PCDHGC5: variants seen among roughly 807,000 people sequenced by gnomAD.
PCDHGC5 encodes the protein protocadherin gamma-C5.
In PCDHGC5, 25 loss-of-function variants were observed where a neutral mutation model predicts 59.0. The observed-to-expected ratio is 0.42, with a 90% CI of 0.31 to 0.59. The LOEUF (loss-of-function observed/expected upper bound fraction) is 0.59, where lower values mean the gene tolerates loss of function less well. Among genes scored for constraint, PCDHGC5 ranks in the 20% least tolerant of loss-of-function variants. The pLI is 0.13. For missense variants in PCDHGC5, 1,067 were observed against 1,206.4 expected (o/e 0.88, Z 1.71); for synonymous variants, 434 against 505.5 (o/e 0.86, Z 1.90).
In PCDHGC5 at chr5:141,489,873, G is replaced by A. The variant is rs1252665956; in HGVS notation, c.633G>A (p.Val211=). The A allele has an allele frequency of 4.3e-6, 7 of 1,614,224 alleles. No homozygotes were observed. The highest frequency in any genetic ancestry group is 5.9e-6 in the Non-Finnish European group (7 of 1,180,030). Residue 211 remains valine (V), a synonymous_variant, in exon 1 of 4, where the codon GTG becomes GTA. Coordinates refer to ENST00000252087, the MANE Select transcript of PCDHGC5 (RefSeq NM_018929.3). The surrounding 1 kb of genome is among the most constrained non-coding windows in gnomAD (Gnocchi z 4.5). Reference sequence around the variant, plus strand: ...AAGCCCAGGCAAGACATCAGCTGGTGCTTACTGCTGTGGATGGGGGGACCC... The same window carrying A: ...AAGCCCAGGCAAGACATCAGCTGGTACTTACTGCTGTGGATGGGGGGACCC... ...DREAQARHQL[V]LTAVDGGTPA...
chr5:141,494,927 G>A, intron 2 of PCDHGC5, 62 bp downstream of exon 2: 1 of 1,613,516 alleles, frequency 6.2e-7, no homozygotes, highest in Non-Finnish European at 8.5e-7. Flanking sequence ...GATGACGTGG[G>A]AGGAGATGGG....
At chr5:141,507,809 C>G (rs866898784) in intron 3 of PCDHGC5, among the ~76,000 whole-genome samples, 1 of 152,206 alleles carries the variant, frequency 6.6e-6, no homozygotes, top group Non-Finnish European at 1.5e-5. Context: ...CCCTGGGGAA[C>G]GGACCCTGGG....
intron 2 of PCDHGC5, among the ~76,000 whole-genome samples, chr5:141,504,351 G>C (rs77439649): frequency 0.021 from 3,233 of 152,120 alleles, 109 homozygotes; most frequent in African/African-American, 0.075. Context: ...CTTTGTGCTA[G>C]GTGCTTCAGT....
At chr5:141,496,268 G>T (rs1237681971) in intron 2 of PCDHGC5, among the ~76,000 whole-genome samples, 1 of 152,208 alleles carries the variant, frequency 6.6e-6, no homozygotes, top group Non-Finnish European at 1.5e-5. Flanking sequence ...TCAGCAGAAA[G>T]ACCTTCAGTT....
chr5:141,489,222 A>C lies in PCDHGC5; in HGVS notation c.-19A>C. On this transcript the variant is annotated 5_prime_UTR_variant, in exon 1 of 4. Coordinates refer to ENST00000252087, the MANE Select transcript of PCDHGC5 (RefSeq NM_018929.3). The surrounding 1 kb of genome is among the most constrained non-coding windows in gnomAD (Gnocchi z 4.5). ...ACAGGACAGCACAGACTTACTCTCC[A>C]CAAAGGGACTTCTGGGTCATGGGGC... 6.6e-7 allele frequency: 1 copy of C among 1,515,652 alleles called. No individual in the cohort carries two copies. Among genetic ancestry groups the C allele is most frequent in the Middle Eastern group, 1.8e-4 (1 of 5,598 alleles). 93.9% of individuals were successfully genotyped at this position (1,515,652 alleles called of 1,614,324 possible).
chr5:141,494,546 G>A (rs984336435), intron 1 of PCDHGC5, among the ~76,000 whole-genome samples: 7 of 152,152 alleles, frequency 4.6e-5, no homozygotes, highest in African/African-American at 1.2e-4. Context: ...GGAGGAAGGG[G>A]CCATTTCTTT....
intron 3 of PCDHGC5, among the ~76,000 whole-genome samples, chr5:141,506,417 A>C (rs1326078146): frequency 6.8e-6 from 1 of 147,658 alleles, no homozygotes; most frequent in Non-Finnish European, 1.5e-5. Context: ...ACTGCACTCC[A>C]GCCTGGGCAA....
At position 141,489,207 on chromosome 5, in the gene PCDHGC5, A is replaced by T; in HGVS notation, c.-34A>T. The T allele has an allele frequency of 6.9e-7, 1 of 1,452,692 alleles. No homozygotes were observed. The highest frequency in any genetic ancestry group is 9.3e-7 in the Non-Finnish European group (1 of 1,073,586). 90.0% of individuals were successfully genotyped at this position (1,452,692 alleles called of 1,614,324 possible). ...GGGTCTACCTTGGAGACAGGACAGC[A>T]CAGACTTACTCTCCACAAAGGGACT... On this transcript the variant is annotated 5_prime_UTR_variant, in exon 1 of 4. Transcript: ENST00000252087. The surrounding 1 kb of genome is among the most constrained non-coding windows in gnomAD (Gnocchi z 4.5).
rs1330659052 is a variant in PCDHGC5, at chr5:141,490,012, G to T, written c.772G>T (p.Gly258Cys). The change falls in exon 1 of 4, where the codon GGT becomes TGT. Residue 258 changes from glycine (G) to cysteine (C), a missense_variant. Gly to Cys is a radical substitution (Grantham distance 159). Transcript: ENST00000252087. The surrounding 1 kb of genome is among the most constrained non-coding windows in gnomAD (Gnocchi z 5.4). ...GGGAATCCCAGAGAATGCACCCATT[G>T]GTACTCTGCTGCTCCGCCTCAATGC... ...RVGIPENAPIGTLLLRLNATD... is the reference protein window; with the variant it reads ...RVGIPENAPICTLLLRLNATD... The T allele has an allele frequency of 1.2e-6, 2 of 1,614,232 alleles. No homozygotes were observed. Among genetic ancestry groups the T allele is most frequent in the East Asian group, 4.5e-5 (2 of 44,888 alleles).
Position 141,511,015 on chromosome 5 carries a change from C to A in PCDHGC5, c.2677C>A (p.Pro893Thr). Residue 893 changes from proline (P) to threonine (T), a missense_variant, in exon 4 of 4, where the codon CCC becomes ACC. Coordinates refer to ENST00000252087, the MANE Select transcript of PCDHGC5 (RefSeq NM_018929.3). ...GTMGLSARYG[P>T]QFTLQHVPDY... ...CATGGGATTGAGCGCCCGCTACGGA[C>A]CCCAGTTCACCCTGCAGCACGTGCC... 6.2e-7 allele frequency: 1 copy of A among 1,614,224 alleles called. No individual in the cohort carries two copies. The highest frequency in any genetic ancestry group is 8.5e-7 in the Non-Finnish European group (1 of 1,180,038).
Position 141,489,263 on chromosome 5 carries a change from A to G in PCDHGC5, c.23A>G (p.Gln8Arg). The G allele has an allele frequency of 6.4e-7, 1 of 1,552,104 alleles. No homozygotes were observed. Among genetic ancestry groups the G allele is most frequent in the South Asian group, 1.3e-5 (1 of 79,626 alleles). Residue 8 changes from glutamine to arginine, a missense_variant, in exon 1 of 4, where the codon CAG (glutamine) becomes CGG (arginine). By Grantham distance (43) the Gln-to-Arg change is conservative. Transcript: ENST00000252087. This position sits in a 1 kb window ranked among gnomAD's most constrained non-coding sequence, Gnocchi z 4.5. MGPKTLP[Q>R]LAGKWQVLCM... ...GTCATGGGGCCCAAGACACTCCCAC[A>G]GCTCGCTGGGAAATGGCAAGTGCTG...
At chr5:141,501,691 G>C (rs910322085) in intron 2 of PCDHGC5, among the ~76,000 whole-genome samples, 1 of 152,092 alleles carries the variant, frequency 6.6e-6, no homozygotes, top group Non-Finnish European at 1.5e-5. Context: ...CTTATCTGCA[G>C]GGTGATTCCG....
rs780685517 is a variant in PCDHGC5 at position 141,489,548 on chromosome 5, T to C, written c.308T>C (p.Leu103Pro). 6.2e-7 allele frequency: 1 copy of C among 1,614,136 alleles called. No individual in the cohort carries two copies. Among genetic ancestry groups the C allele is most frequent in the South Asian group, 1.1e-5 (1 of 91,086 alleles). Residue 103 changes from leucine (L) to proline (P), a missense_variant, in exon 1 of 4, where the codon CTG (leucine) becomes CCG (proline). By Grantham distance (98) the Leu-to-Pro change is moderately conservative. Coordinates refer to ENST00000252087, the MANE Select transcript of PCDHGC5 (RefSeq NM_018929.3). This position sits in a 1 kb window ranked among gnomAD's most constrained non-coding sequence, Gnocchi z 4.5. ...ESLCGASTSCLLPVQVVTEHP... is the reference protein window; with the variant it reads ...ESLCGASTSCPLPVQVVTEHP... ...CTATGTGGAGCCAGCACCAGCTGCCTGCTGCCAGTGCAGGTGGTGACTGAA... is the reference window on the plus strand; with the variant it reads ...CTATGTGGAGCCAGCACCAGCTGCCCGCTGCCAGTGCAGGTGGTGACTGAA...
At chr5:141,502,082 G>A (rs538827992) in intron 2 of PCDHGC5, among the ~76,000 whole-genome samples, 1 of 152,252 alleles carries the variant, frequency 6.6e-6, no homozygotes, top group Non-Finnish European at 1.5e-5. Flanking sequence ...ACCTGGGGCT[G>A]AGAACACCTG....
chr5:141,489,913 A>G lies in PCDHGC5; in HGVS notation c.673A>G (p.Thr225Ala). 1 of 1,614,208 alleles carries G rather than the reference A, an allele frequency of 6.2e-7. No homozygotes were observed. Among genetic ancestry groups the G allele is most frequent in the Non-Finnish European group, 8.5e-7 (1 of 1,180,044 alleles). ...VDGGTPARSG[T>A]TLISVIVLDI... Reference sequence around the variant, plus strand: ...TGGGGGGACCCCAGCCCGCTCAGGGACCACCCTTATCTCTGTCATCGTGCT... The same window carrying G: ...TGGGGGGACCCCAGCCCGCTCAGGGGCCACCCTTATCTCTGTCATCGTGCT... Residue 225 changes from threonine to alanine, a missense_variant, in exon 1 of 4, where the codon ACC (threonine) becomes GCC (alanine). Transcript: ENST00000252087. The surrounding 1 kb of genome is among the most constrained non-coding windows in gnomAD (Gnocchi z 4.5).
chr5:141,494,431 T>C (rs1403792155), intron 1 of PCDHGC5, among the ~76,000 whole-genome samples: 1 of 152,158 alleles, frequency 6.6e-6, no homozygotes, highest in Non-Finnish European at 1.5e-5. Context: ...TTGAAAAGCC[T>C]CCTTTGCCAC....
rs780788394 is a variant in PCDHGC5 at position 141,491,675 on chromosome 5, C to T, written c.2435C>T (p.Ser812Phe). ...GAGCCTGACGCCATCCGGTCCCGCT[C>T]TAATACGCTGCGGGAGCGGAGCCAG... ...ALEPDAIRSRSNTLRERSQQA... is the reference protein window; with the variant it reads ...ALEPDAIRSRFNTLRERSQQA... The change falls in exon 1 of 4, where the codon TCT (serine) becomes TTT (phenylalanine). Residue 812 changes from serine to phenylalanine, a missense_variant. Physicochemically the swap from Ser to Phe is radical, Grantham distance 155. Transcript: ENST00000252087. The surrounding 1 kb of genome is among the most constrained non-coding windows in gnomAD (Gnocchi z 6.9). 6 of 1,613,450 alleles carry T rather than the reference C, an allele frequency of 3.7e-6. No homozygotes were observed. The African/African-American group carries it at 8.0e-5, about 22-fold the overall frequency.
intron 3 of PCDHGC5, 89 bp from the exon 4 acceptor site, chr5:141,510,858 T>G: frequency 6.2e-7 from 1 of 1,606,182 alleles, no homozygotes; most frequent in Non-Finnish European, 8.5e-7. Context: ...GGGTGCTGTA[T>G]AGGCATTCAT....
Position 141,489,317 on chromosome 5 carries a change from G to T in PCDHGC5, c.77G>T (p.Trp26Leu). ...ATGTTGTCCTTGTGCTGCTGGGGCT[G>T]GGTGTCTGGGCAGCTTCGTTACTCA... is the stretch of plus-strand genomic sequence containing the variant. ...LCMLSLCCWG[W>L]VSGQLRYSVV... Residue 26 changes from tryptophan (W) to leucine (L), a missense_variant, in exon 1 of 4, where the codon TGG (tryptophan) becomes TTG (leucine). By Grantham distance (61) the Trp-to-Leu change is moderately conservative (BLOSUM62 -2). Coordinates refer to ENST00000252087, the MANE Select transcript of PCDHGC5 (RefSeq NM_018929.3). The surrounding 1 kb of genome is among the most constrained non-coding windows in gnomAD (Gnocchi z 4.5). 6.3e-7 allele frequency: 1 copy of T among 1,598,654 alleles called. No homozygotes were observed. The highest frequency in any genetic ancestry group is 8.5e-7 in the Non-Finnish European group (1 of 1,171,456).
Sources: allele counts gnomAD v4.1 joint callset (sites outside exome capture counted in the v4.1 genomes callset), GRCh38; gene constraint gnomAD v4.1.1; non-coding constraint Gnocchi (gnomAD v3.1); transcripts MANE v1.5; gene names NCBI Gene and HGNC (gene_info 2026-07-23, HGNC 2026-07-21).